Variants in PUM1 observed in about 807,000 individuals in gnomAD.
The protein encoded by PUM1 is pumilio RNA binding family member 1.
A neutral mutation model predicts 131.8 loss-of-function variants in PUM1; 13 were observed. The ratio of observed to expected loss-of-function variants is 0.10; its 90% CI spans 0.06 to 0.16. The LOEUF (loss-of-function observed/expected upper bound fraction) is 0.16, where lower values mean the gene tolerates loss of function less well. Ranked by LOEUF, PUM1 falls within the 10% of genes least tolerant of loss-of-function variation. The probability of loss-of-function intolerance (pLI) is 1.00; values close to 1 mark genes in which losing one functional copy is unlikely to be tolerated. For synonymous variants in PUM1, 509 were observed against 556.5 expected (o/e 0.91, Z 1.20); for missense variants, 961 against 1,512.4 (o/e 0.64, Z 6.05).
rs958119060 is a variant in PUM1, at chr1:30,942,106, T to C, written c.3012A>G (p.Thr1004=). The part of the protein sequence containing the change: ...AFKGQVFALS[T]HPYGCRVIQR... ...GAATCACTCGGCAGCCATAAGGATG[T>C]GTGGATAAGGCAAATACCTAAGGGT... Residue 1004 remains threonine (T), a synonymous_variant, in exon 19 of 22, where the codon ACA becomes ACG. Transcript: ENST00000426105. The C allele has an allele frequency of 1.2e-5, 19 of 1,568,132 alleles. No individual in the cohort carries two copies. The East Asian group carries it at 4.7e-4, about 39-fold the overall frequency.
chr1:31,030,558 T>C (rs1557594497), intron 2 of PUM1, among the ~76,000 whole-genome samples: 1 of 151,710 alleles, frequency 6.6e-6, no homozygotes, highest in Non-Finnish European at 1.5e-5. Flanking sequence ...AAAATAAAAA[T>C]AAAATAGCTG....
At chr1:30,975,653 C>T (rs1641107213) in intron 9 of PUM1, among the ~76,000 whole-genome samples, 1 of 151,236 alleles carries the variant, frequency 6.6e-6, no homozygotes, top group African/African-American at 2.4e-5. Flanking sequence ...CCAGGCCTGG[C>T]CCCTATTTCT....
At chr1:30,987,722 C>A (rs1293588833) in intron 7 of PUM1, among the ~76,000 whole-genome samples, 1 of 152,150 alleles carries the variant, frequency 6.6e-6, no homozygotes, top group Admixed American at 6.5e-5. Context: ...ACAAAATACT[C>A]CAAGTCAGAG....
intron 2 of PUM1, among the ~76,000 whole-genome samples, chr1:31,033,889 T>G (rs934180682): frequency 2.6e-5 from 4 of 151,664 alleles, no homozygotes; most frequent in African/African-American, 9.7e-5. Flanking sequence ...CAAGCAATCC[T>G]CCCGCCTTCT....
chr1:30,946,448 C>A (rs1200404001), intron 17 of PUM1, among the ~76,000 whole-genome samples: 1 of 151,456 alleles, frequency 6.6e-6, no homozygotes, highest in African/African-American at 2.4e-5. Context: ...ACCAGCCTAG[C>A]CAAGATGGTG....
At chr1:30,978,929 A>C (rs1475014021) in intron 9 of PUM1, among the ~76,000 whole-genome samples, 2 of 152,102 alleles carry the variant, frequency 1.3e-5, no homozygotes, top group African/African-American at 2.4e-5. Flanking sequence ...CGCTGGCGAG[A>C]CCACCCCATC....
intron 5 of PUM1, among the ~76,000 whole-genome samples, chr1:30,998,634 A>C (rs987867344): frequency 2.4e-4 from 36 of 152,192 alleles, no homozygotes; most frequent in Admixed American, 2.6e-4. Flanking sequence ...AGATAAAATA[A>C]AGGATACGAA....
At chr1:30,983,802 T>C (rs1641446059) in intron 7 of PUM1, among the ~76,000 whole-genome samples, 1 of 149,926 alleles carries the variant, frequency 6.7e-6, no homozygotes, top group Non-Finnish European at 1.5e-5. Context: ...AGATGAAGTC[T>C]ACGTTGCTCA....
At chr1:30,942,592 A>G in intron 18 of PUM1, among the ~76,000 whole-genome samples, 1 of 152,120 alleles carries the variant, frequency 6.6e-6, no homozygotes, top group East Asian at 1.9e-4. Context: ...GCAATAAGAA[A>G]AGATTCTTTT....
At position 31,040,887 on chromosome 1, in the gene PUM1, G is replaced by A. The variant is rs1286828119; in HGVS notation, c.364-12023C>T. Among the ~76,000 whole-genome samples, 13 of 152,322 alleles carry A rather than the reference G, an allele frequency of 8.5e-5. No individual in the cohort carries two copies. The East Asian group carries it at 2.5e-3, about 29-fold the overall frequency. ...AACGCACACACACACGAGTGCGTGA[G>A]CAAAAGGGTGAGAAATAAGCAGATC... On this transcript the variant is annotated intron_variant, in intron 2 of 21. Transcript: ENST00000426105.
chr1:31,016,183 A>T (rs2124525750), intron 3 of PUM1, among the ~76,000 whole-genome samples: 1 of 152,354 alleles, frequency 6.6e-6, no homozygotes, highest in Admixed American at 6.5e-5. Context: ...TTCAGATTTC[A>T]CGTTTCCAGA....
chr1:30,985,451 G>A (rs1425139941), intron 7 of PUM1, among the ~76,000 whole-genome samples: 3 of 152,032 alleles, frequency 2.0e-5, no homozygotes, highest in African/African-American at 7.2e-5. Context: ...TCAGGAGTTC[G>A]AGACCAGCCT....
intron 5 of PUM1, among the ~76,000 whole-genome samples, chr1:31,002,940 G>A (rs971993452): frequency 1.3e-5 from 2 of 152,204 alleles, no homozygotes; most frequent in Admixed American, 6.5e-5. Context: ...AACCAGCAAA[G>A]TTCACTGAAA....
chr1:31,055,963 T>C (rs990716707), intron 2 of PUM1, among the ~76,000 whole-genome samples: 7 of 152,180 alleles, frequency 4.6e-5, no homozygotes, highest in Non-Finnish European at 1.0e-4. Flanking sequence ...AAAACCAATG[T>C]TTATGATTTT....
chr1:30,989,190 A>G (rs990528980), intron 7 of PUM1, among the ~76,000 whole-genome samples: 3 of 152,106 alleles, frequency 2.0e-5, no homozygotes, highest in Non-Finnish European at 4.4e-5. Flanking sequence ...TACATTATCT[A>G]CTGAACACAT....
chr1:31,035,204 CA>C (rs534412088), intron 2 of PUM1, among the ~76,000 whole-genome samples: 2 of 152,066 alleles, frequency 1.3e-5, no homozygotes, highest in South Asian at 4.2e-4. Flanking sequence ...CCAGCCTGGG[CA>C]ACATGAGAAA....
chr1:31,029,944 A>C (rs6686612), intron 2 of PUM1, among the ~76,000 whole-genome samples: 1 of 148,268 alleles, frequency 6.7e-6, no homozygotes, highest in Admixed American at 6.8e-5. Flanking sequence ...GGCTGGGCGC[A>C]GTGGCTCAAG....
At chr1:30,967,683 G>T (rs1342575046) in intron 11 of PUM1, among the ~76,000 whole-genome samples, 1 of 152,176 alleles carries the variant, frequency 6.6e-6, no homozygotes, top group Admixed American at 6.5e-5. Context: ...AAAAACAAAT[G>T]AAACAGGTTA....
At position 31,017,518 on chromosome 1, in the gene PUM1, TTTC is replaced by T. The variant is rs774842673; in HGVS notation, c.433-10419_433-10417del. 5.7e-4 allele frequency among the ~76,000 whole-genome samples: 87 copies of T among 152,202 alleles called. 1 individual carries two copies. Among genetic ancestry groups the T allele is most frequent in the African/African-American group, 2.0e-3 (82 of 41,546 alleles). ...TTATGAGATTTTATTTTGCGATTTT[TTTC>T]TTCTTTTTTTTTTTTAGTTCATCAG... On this transcript the variant is annotated intron_variant, in intron 3 of 21. Coordinates refer to ENST00000426105, the MANE Select transcript of PUM1 (RefSeq NM_001020658.2).
Sources: allele counts gnomAD v4.1 joint callset (sites outside exome capture counted in the v4.1 genomes callset), GRCh38; gene constraint gnomAD v4.1.1; transcripts MANE v1.5; gene names NCBI Gene and HGNC (gene_info 2026-07-23, HGNC 2026-07-21).